The following PPP2R5E variants were observed in gnomAD, a reference collection of about 807,000 sequenced individuals.
The protein encoded by PPP2R5E is serine/threonine-protein phosphatase 2A 56 kDa regulatory subunit epsilon isoform.
In PPP2R5E, 4 loss-of-function variants were observed where a neutral mutation model predicts 65.3. The observed-to-expected ratio is 0.06, with a 90% CI of 0.03 to 0.14. The LOEUF (loss-of-function observed/expected upper bound fraction) is 0.14. Ranked by LOEUF, PPP2R5E falls within the 10% of genes least tolerant of loss-of-function variation. The pLI is 1.00. For missense variants in PPP2R5E, 274 were observed against 556.1 expected, an observed-to-expected ratio of 0.49 and a Z score of 5.10; for synonymous variants, 183 against 187.4, an observed-to-expected ratio of 0.98 and a Z score of 0.19.
intron 11 of PPP2R5E, among the ~76,000 whole-genome samples, chr14:63,385,725 C>G (rs1884625395): frequency 6.6e-6 from 1 of 152,052 alleles, no homozygotes; most frequent in African/African-American, 2.4e-5. Flanking sequence ...GACACAGAGA[C>G]TCAGGGAGAC....
intron 2 of PPP2R5E, among the ~76,000 whole-genome samples, chr14:63,518,237 G>A (rs1027032105): frequency 2.0e-5 from 3 of 151,674 alleles, no homozygotes; most frequent in Non-Finnish European, 4.4e-5. Context: ...CAACATTCCT[G>A]GCCCAGATTT....
Position 63,522,658 on chromosome 14 carries a change from C to T in PPP2R5E, c.157+16871G>A, listed in dbSNP as rs1245744970. On this transcript the variant is annotated intron_variant, in intron 2 of 13. Coordinates refer to ENST00000337537, the MANE Select transcript of PPP2R5E (RefSeq NM_006246.5). ...GCGACCCCGTCTGGGAGGAGAGGAGCGTCTCTGCCCGGCCGCGACCCCGTC... is the reference window on the plus strand; with the variant it reads ...GCGACCCCGTCTGGGAGGAGAGGAGTGTCTCTGCCCGGCCGCGACCCCGTC... Among the ~76,000 whole-genome samples, 14 of 145,360 alleles carry T rather than the reference C, an allele frequency of 9.6e-5. 1 individual carries two copies. Among genetic ancestry groups the T allele is most frequent in the Admixed American group, 6.8e-4 (10 of 14,744 alleles).
At chr14:63,427,943 C>T (rs1887429926) in intron 3 of PPP2R5E, among the ~76,000 whole-genome samples, 1 of 152,128 alleles carries the variant, frequency 6.6e-6, no homozygotes, top group Non-Finnish European at 1.5e-5. Context: ...CCCTGAAGAC[C>T]GTGGATGGAC....
At chr14:63,476,223 G>A (rs1456309541) in intron 2 of PPP2R5E, among the ~76,000 whole-genome samples, 1 of 152,060 alleles carries the variant, frequency 6.6e-6, no homozygotes, top group Non-Finnish European at 1.5e-5. Context: ...TTCTCAAAAT[G>A]TATTATTTCT....
At chr14:63,383,806 C>T (rs1884508541) in intron 12 of PPP2R5E, among the ~76,000 whole-genome samples, 1 of 152,066 alleles carries the variant, frequency 6.6e-6, no homozygotes, top group African/African-American at 2.4e-5. Context: ...ATTTTAAACT[C>T]CTTCCTTTCC....
At chr14:63,432,746 G>C (rs1887744049) in intron 3 of PPP2R5E, among the ~76,000 whole-genome samples, 1 of 152,110 alleles carries the variant, frequency 6.6e-6, no homozygotes. Flanking sequence ...TCTATGCAGT[G>C]ATCACTAATG....
At chr14:63,522,244 T>A (rs1476227332) in intron 2 of PPP2R5E, among the ~76,000 whole-genome samples, 1 of 152,152 alleles carries the variant, frequency 6.6e-6, no homozygotes, top group Non-Finnish European at 1.5e-5. Context: ...GTTCACTCAG[T>A]GCTCAATGTT....
chr14:63,490,567 G>A (rs1163328415), intron 2 of PPP2R5E, among the ~76,000 whole-genome samples: 1 of 151,854 alleles, frequency 6.6e-6, no homozygotes, highest in Non-Finnish European at 1.5e-5. Flanking sequence ...ATTAAAAAGC[G>A]GGCAAAGGAC....
chr14:63,497,595 A>C (rs1432264605), intron 2 of PPP2R5E, among the ~76,000 whole-genome samples: 1 of 152,122 alleles, frequency 6.6e-6, no homozygotes, highest in African/African-American at 2.4e-5. Flanking sequence ...AAAAAACACA[A>C]AAATTAGCCG....
chr14:63,489,640 G>A (rs952520964), intron 2 of PPP2R5E, among the ~76,000 whole-genome samples: 2 of 151,948 alleles, frequency 1.3e-5, no homozygotes, highest in Admixed American at 6.6e-5. Flanking sequence ...GAACTCCTAA[G>A]TTCAAGCAAT....
intron 5 of PPP2R5E, among the ~76,000 whole-genome samples, chr14:63,406,359 C>T (rs888959476): frequency 6.0e-5 from 9 of 148,824 alleles, no homozygotes; most frequent in Non-Finnish European, 1.3e-4. Context: ...TGCCGTGAGC[C>T]GAGATCGAGC....
At chr14:63,469,107 G>C (rs1052787525) in intron 2 of PPP2R5E, among the ~76,000 whole-genome samples, 4 of 152,108 alleles carry the variant, frequency 2.6e-5, no homozygotes, top group Non-Finnish European at 4.4e-5. Context: ...AATATTTACA[G>C]AACACTTTTT....
At chr14:63,508,437 G>T (rs1313127454) in intron 2 of PPP2R5E, among the ~76,000 whole-genome samples, 1 of 152,138 alleles carries the variant, frequency 6.6e-6, no homozygotes, top group Non-Finnish European at 1.5e-5. Context: ...GAATTCTTCA[G>T]AAAATATGCC....
chr14:63,389,860 C>G (rs1884906267), intron 10 of PPP2R5E, 129 bp from the exon 11 acceptor site: 1 of 985,810 alleles, frequency 1.0e-6, no homozygotes, highest in Admixed American at 3.4e-5. Context: ...ATACATGAAC[C>G]AGTCATTATC....
intron 11 of PPP2R5E, among the ~76,000 whole-genome samples, chr14:63,385,168 A>C (rs1236743255): frequency 2.0e-5 from 3 of 152,026 alleles, no homozygotes; most frequent in Non-Finnish European, 4.4e-5. Context: ...CTCTACAAAA[A>C]CACAAAAATT....
chr14:63,487,922 T>C (rs1891073702), intron 2 of PPP2R5E, among the ~76,000 whole-genome samples: 1 of 152,198 alleles, frequency 6.6e-6, no homozygotes, highest in Non-Finnish European at 1.5e-5. Context: ...CTTCCTCTTC[T>C]TTATTTGTCT....
At chr14:63,467,669 G>A (rs985898622) in intron 2 of PPP2R5E, among the ~76,000 whole-genome samples, 8 of 152,192 alleles carry the variant, frequency 5.3e-5, no homozygotes, top group East Asian at 1.9e-4. Context: ...TCACAGAAAC[G>A]TTTAAGATGT....
At chr14:63,435,366 G>A (rs1223550832) in intron 3 of PPP2R5E, among the ~76,000 whole-genome samples, 1 of 151,610 alleles carries the variant, frequency 6.6e-6, no homozygotes, top group African/African-American at 2.4e-5. Context: ...TTTTTGATAA[G>A]GGTGGAGAAA....
At chr14:63,467,266 T>A (rs886143659) in intron 2 of PPP2R5E, among the ~76,000 whole-genome samples, 1 of 149,708 alleles carries the variant, frequency 6.7e-6, no homozygotes, top group African/African-American at 2.5e-5. Context: ...ATTTACAACA[T>A]GTTCCTTCTA....
Sources: allele counts gnomAD v4.1 joint callset (sites outside exome capture counted in the v4.1 genomes callset), GRCh38; gene constraint gnomAD v4.1.1; transcripts MANE v1.5; gene names NCBI Gene and HGNC (gene_info 2026-07-23, HGNC 2026-07-21).